ATXN7L1: variants seen among roughly 807,000 people sequenced by gnomAD.
ATXN7L1 encodes ataxin-7-like protein 1.
A neutral mutation model predicts 70.8 loss-of-function variants in ATXN7L1; 15 were observed. The ratio of observed to expected loss-of-function variants is 0.21; its 90% CI spans 0.14 to 0.33. The LOEUF (loss-of-function observed/expected upper bound fraction) is 0.33, where lower values mean the gene tolerates loss of function less well. Among genes scored for constraint, ATXN7L1 ranks in the 10% least tolerant of loss-of-function variants. The pLI is 1.00. For synonymous variants in ATXN7L1, 440 were observed against 445.1 expected, an observed-to-expected ratio of 0.99 and a Z score of 0.14; for missense variants, 975 against 1,097.1, an observed-to-expected ratio of 0.89 and a Z score of 1.57.
chr7:105,679,013 C>A, intron 3 of ATXN7L1: 1 of 936,222 alleles, frequency 1.1e-6, no homozygotes, highest in Non-Finnish European at 1.3e-6. Context: ...CAGCCCCACG[C>A]CGTCCTGTGT....
intron 3 of ATXN7L1, among the ~76,000 whole-genome samples, chr7:105,671,021 G>A (rs1803504873): frequency 6.7e-6 from 1 of 150,282 alleles, no homozygotes; most frequent in South Asian, 2.1e-4. Context: ...GCAGGAGAAT[G>A]GCGTGAACCC....
At chr7:105,656,732 G>A (rs975204295) in intron 4 of ATXN7L1, among the ~76,000 whole-genome samples, 2 of 152,062 alleles carry the variant, frequency 1.3e-5, no homozygotes, top group Non-Finnish European at 2.9e-5. Flanking sequence ...CACTACACTC[G>A]GCTAATTTTT....
intron 3 of ATXN7L1, among the ~76,000 whole-genome samples, chr7:105,744,321 T>C (rs1204945330): frequency 6.6e-6 from 1 of 152,190 alleles, no homozygotes; most frequent in Non-Finnish European, 1.5e-5. Context: ...ACCATTTATC[T>C]AAATGGTTGT....
intron 4 of ATXN7L1, chr7:105,649,578 T>G: frequency 2.0e-6 from 2 of 987,786 alleles, no homozygotes; most frequent in Non-Finnish European, 2.4e-6. Context: ...AGAACAGAGG[T>G]GGAGACTCAT....
intron 2 of ATXN7L1, among the ~76,000 whole-genome samples, chr7:105,855,146 G>T (rs1160632210): frequency 6.6e-6 from 1 of 152,054 alleles, no homozygotes; most frequent in African/African-American, 2.4e-5. Flanking sequence ...GTACAGATGG[G>T]GTTTCACCCT....
At chr7:105,710,401 C>CTTT (rs34003989) in intron 3 of ATXN7L1, among the ~76,000 whole-genome samples, 10 of 78,128 alleles carry the variant, frequency 1.3e-4, no homozygotes, top group Non-Finnish European at 2.3e-4. Flanking sequence ...GTGCCATGCA[C>CTTT]TTTTTTTTTT....
chr7:105,863,574 C>T (rs1045923621), intron 2 of ATXN7L1, among the ~76,000 whole-genome samples: 2 of 152,176 alleles, frequency 1.3e-5, no homozygotes, highest in Non-Finnish European at 2.9e-5. Flanking sequence ...TTAGTCCTAA[C>T]CCTGCTCCTA....
In ATXN7L1 at chr7:105,745,751, C is replaced by G. The variant is rs111429575; in HGVS notation, c.355+42853G>C. ...GAGGCCCTGGAGTCCCGGTCTTACT[C>G]TCTGTTTACCCAGAGTGGAGCCATG... On this transcript the variant is annotated intron_variant, in intron 3 of 11. Coordinates refer to ENST00000419735, the MANE Select transcript of ATXN7L1 (RefSeq NM_020725.2). 2.2e-3 allele frequency among the ~76,000 whole-genome samples: 332 copies of G among 152,352 alleles called. 1 individual carries two copies. Among genetic ancestry groups the G allele is most frequent in the African/African-American group, 7.6e-3 (316 of 41,588 alleles).
At chr7:105,860,128 A>AATATAT (rs1470485018) in intron 2 of ATXN7L1, among the ~76,000 whole-genome samples, 1,978 of 70,452 alleles carry the variant, frequency 0.028, 87 homozygotes, top group East Asian at 0.052. Context: ...TTTATATGTA[A>AATATAT]ATATATATAT....
intron 3 of ATXN7L1, among the ~76,000 whole-genome samples, chr7:105,727,758 A>AT (rs1563042343): frequency 3.4e-5 from 3 of 88,444 alleles, no homozygotes; most frequent in South Asian, 5.0e-4. Context: ...ATATATATAT[A>AT]TATATATATA....
intron 2 of ATXN7L1, among the ~76,000 whole-genome samples, chr7:105,861,414 G>A (rs1816616355): frequency 6.6e-6 from 1 of 152,022 alleles, no homozygotes; most frequent in South Asian, 2.1e-4. Flanking sequence ...GCTGGGATGG[G>A]GGTGGGGGAG....
At chr7:105,641,193 T>TC (rs1798126500) in intron 5 of ATXN7L1, among the ~76,000 whole-genome samples, 1 of 129,138 alleles carries the variant, frequency 7.7e-6, no homozygotes, top group Non-Finnish European at 1.7e-5. Flanking sequence ...TTGTCTGCCT[T>TC]TTCTCTCTCT....
intron 3 of ATXN7L1, among the ~76,000 whole-genome samples, chr7:105,727,910 C>T (rs530447846): frequency 7.3e-5 from 11 of 149,772 alleles, no homozygotes; most frequent in African/African-American, 1.7e-4. Context: ...GACTAACAAC[C>T]GTATGTATGT....
chr7:105,637,102 A>G (rs761112951), intron 7 of ATXN7L1, among the ~76,000 whole-genome samples: 3 of 152,212 alleles, frequency 2.0e-5, no homozygotes, highest in Non-Finnish European at 4.4e-5. Context: ...GGTGACAGTA[A>G]CGCCACGATG....
chr7:105,703,261 C>T (rs919906426), intron 3 of ATXN7L1, among the ~76,000 whole-genome samples: 1 of 149,784 alleles, frequency 6.7e-6, no homozygotes, highest in Non-Finnish European at 1.5e-5. Flanking sequence ...GCCGAGATCC[C>T]GTCATTCCAC....
At chr7:105,855,056 GT>G (rs2116641455) in intron 2 of ATXN7L1, among the ~76,000 whole-genome samples, 1 of 151,802 alleles carries the variant, frequency 6.6e-6, no homozygotes, top group South Asian at 2.1e-4. Context: ...CCAGGTTCAG[GT>G]GATTCTCCTG....
intron 3 of ATXN7L1, among the ~76,000 whole-genome samples, chr7:105,770,793 C>A (rs1356472469): frequency 6.6e-6 from 1 of 152,172 alleles, no homozygotes; most frequent in Non-Finnish European, 1.5e-5. Context: ...ATCAAGGAAC[C>A]ATGACCTAGA....
At chr7:105,764,474 G>A (rs1032125289) in intron 3 of ATXN7L1, among the ~76,000 whole-genome samples, 12 of 152,144 alleles carry the variant, frequency 7.9e-5, no homozygotes, top group African/African-American at 2.4e-4. Context: ...TGGGGGAGCC[G>A]CAGTTGATTT....
chr7:105,699,991 G>T (rs956684554), intron 3 of ATXN7L1, among the ~76,000 whole-genome samples: 7 of 152,150 alleles, frequency 4.6e-5, no homozygotes, highest in Admixed American at 3.9e-4. Context: ...ATGACAGCCT[G>T]AAGGTGCCCT....
Sources: allele counts gnomAD v4.1 joint callset (sites outside exome capture counted in the v4.1 genomes callset), GRCh38; gene constraint gnomAD v4.1.1; transcripts MANE v1.5; gene names NCBI Gene and HGNC (gene_info 2026-07-23, HGNC 2026-07-21).